Variants in MIOS observed in about 807,000 individuals in gnomAD.
The protein encoded by MIOS is meiosis regulator for oocyte development.
MIOS carries 52 observed loss-of-function variants against 96.9 expected under a neutral mutation model. That is an observed-to-expected ratio of 0.54 (90% CI 0.43 to 0.68). The LOEUF (loss-of-function observed/expected upper bound fraction) is 0.68. Ranked by LOEUF, MIOS falls within the 30% of genes least tolerant of loss-of-function variation. MIOS has a pLI of 0.00. For synonymous variants in MIOS, 397 were observed against 359.5 expected (o/e 1.10, Z -1.18); for missense variants, 1,005 against 1,052.8 (o/e 0.95, Z 0.63).
intron 7 of MIOS, among the ~76,000 whole-genome samples, chr7:7,587,133 C>T (rs1048892449): frequency 2.6e-5 from 4 of 151,978 alleles, no homozygotes; most frequent in Non-Finnish European, 5.9e-5. Context: ...GCCTCAGCCT[C>T]CCAAGTAGCT....
rs940937549 is a variant in MIOS at position 7,608,557 on chromosome 7, T to C, written c.*1465T>C. On this transcript the variant is annotated 3_prime_UTR_variant, in exon 13 of 13. Coordinates refer to ENST00000340080, the MANE Select transcript of MIOS (RefSeq NM_019005.4). ...TCTTTTCAAATGAAAGACATGGTAA[T>C]TGCAATTTTTTTTTAAAGATTGCTA... 2 of 152,100 alleles carry C rather than the reference T, an allele frequency of 1.3e-5. No homozygotes were observed. The highest frequency in any genetic ancestry group is 4.8e-5 in the African/African-American group (2 of 41,466). 9.4% of individuals were successfully genotyped at this position (152,100 alleles called of 1,614,324 possible). A position where few individuals can be genotyped will look rare whatever the true frequency, so the allele number is the denominator to read the frequency against.
At chr7:7,592,368 T>C (rs927108636) in intron 9 of MIOS, among the ~76,000 whole-genome samples, 1 of 152,238 alleles carries the variant, frequency 6.6e-6, no homozygotes, top group Non-Finnish European at 1.5e-5. Context: ...ATTTCAGTTA[T>C]TGTGCTTTTC....
intron 6 of MIOS, among the ~76,000 whole-genome samples, chr7:7,583,721 T>C (rs1783800920): frequency 1.3e-5 from 2 of 152,182 alleles, no homozygotes; most frequent in South Asian, 4.1e-4. Flanking sequence ...AGCCTACAAG[T>C]ATTTTTACGA....
intron 11 of MIOS, among the ~76,000 whole-genome samples, chr7:7,597,517 T>TAAAA (rs372634070): frequency 0.056 from 3,910 of 70,316 alleles, 1,198 homozygotes; most frequent in Non-Finnish European, 0.071. Flanking sequence ...TATATATATA[T>TAAAA]GAAGGCAATA....
chr7:7,573,586 G>T lies in MIOS; in HGVS notation c.1111G>T (p.Gly371Cys). The change falls in exon 4 of 13, where the codon GGT becomes TGT. Residue 371 changes from glycine to cysteine, a missense_variant. Physicochemically the swap from Gly to Cys is radical, Grantham distance 159. Around this residue, in one of 3 missense-constraint regions of MIOS, gnomAD observed 865 missense variants for 887.9 expected, o/e 0.97. Transcript: ENST00000340080. This position sits in a 1 kb window ranked among gnomAD's most constrained non-coding sequence, Gnocchi z 5.0. ...AATTACATCTTTAATGTGGGCTTGT[G>T]GTCGTCATTTATATGAATGTACGGA... The part of the protein sequence containing the change: ...SPITSLMWAC[G>C]RHLYECTEEE... 1.2e-6 allele frequency: 2 copies of T among 1,614,038 alleles called. No homozygotes were observed. Among genetic ancestry groups the T allele is most frequent in the Non-Finnish European group, 1.7e-6 (2 of 1,179,922 alleles).
chr7:7,606,942 A>AATAT, intron 12 of MIOS, 54 bp from the exon 13 acceptor site: 1 of 1,274,404 alleles, frequency 7.8e-7, no homozygotes. Flanking sequence ...TAAATAAATA[A>AATAT]ATGTATGTCT....
At chr7:7,589,741 C>A (rs1243039231) in intron 9 of MIOS, among the ~76,000 whole-genome samples, 178 bp downstream of exon 9, 1 of 152,170 alleles carries the variant, frequency 6.6e-6, no homozygotes, top group Non-Finnish European at 1.5e-5. Flanking sequence ...TAAGCCTCTT[C>A]ATTGAGTTAT....
At position 7,572,854 on chromosome 7, in the gene MIOS, A is replaced by G. The variant is rs1783400843; in HGVS notation, c.379A>G (p.Asn127Asp). 1.2e-6 allele frequency: 2 copies of G among 1,614,188 alleles called. No individual in the cohort carries two copies. Among genetic ancestry groups the G allele is most frequent in the Non-Finnish European group, 1.7e-6 (2 of 1,180,000 alleles). Residue 127 changes from asparagine to aspartate, a missense_variant, in exon 4 of 13, where the codon AAC becomes GAC. Around this residue, in one of 3 missense-constraint regions of MIOS, gnomAD observed 137 missense variants for 148.6 expected, o/e 0.92. Coordinates refer to ENST00000340080, the MANE Select transcript of MIOS (RefSeq NM_019005.4). This position sits in a 1 kb window ranked among gnomAD's most constrained non-coding sequence, Gnocchi z 4.8. Reference protein sequence around the residue: ...NTLAWNPLDSNWLAAGLDKHR... With the variant: ...NTLAWNPLDSDWLAAGLDKHR... ...CCTTGCCTGGAATCCACTGGATAGT[A>G]ACTGGCTAGCTGCTGGTTTAGATAA...
At chr7:7,580,087 C>G (rs746378377) in intron 5 of MIOS, among the ~76,000 whole-genome samples, 1 of 152,088 alleles carries the variant, frequency 6.6e-6, no homozygotes, top group Non-Finnish European at 1.5e-5. Flanking sequence ...GCTTTAAATC[C>G]AAAATTTATA....
At chr7:7,579,678 C>G (rs1421511967) in intron 5 of MIOS, among the ~76,000 whole-genome samples, 2 of 152,166 alleles carry the variant, frequency 1.3e-5, no homozygotes, top group African/African-American at 4.8e-5. Flanking sequence ...AAAATCCCCC[C>G]AAAATCTCAT....
chr7:7,569,327 A>C (rs952295912), intron 3 of MIOS, among the ~76,000 whole-genome samples: 1 of 152,186 alleles, frequency 6.6e-6, no homozygotes, highest in Non-Finnish European at 1.5e-5. Context: ...TTTAGACCAG[A>C]GACTTCATCG....
In MIOS at chr7:7,573,720, A is replaced by G; in HGVS notation, c.1245A>G (p.Leu415=). ...DTEQVWRNHI[L]AGNEDPQLKS... is the part of the protein sequence containing the mutation. ...AGCAGGTGTGGAGGAACCACATTTT[A>G]GCTGGAAATGAAGATCCACAGCTCA... is the stretch of plus-strand genomic sequence containing the variant. Residue 415 remains leucine, a synonymous_variant, in exon 4 of 13, where the codon TTA becomes TTG. Transcript: ENST00000340080. This position sits in a 1 kb window ranked among gnomAD's most constrained non-coding sequence, Gnocchi z 5.0. 1 of 1,612,022 alleles carries G rather than the reference A, an allele frequency of 6.2e-7. No homozygotes were observed. The highest frequency in any genetic ancestry group is 1.3e-5 in the African/African-American group (1 of 74,940).
chr7:7,604,678 T>G (rs1164222758), intron 11 of MIOS, among the ~76,000 whole-genome samples: 3 of 152,226 alleles, frequency 2.0e-5, no homozygotes, highest in Non-Finnish European at 4.4e-5. Context: ...CATAATTCAC[T>G]ATAAATCTTT....
In MIOS at chr7:7,596,244, ATTTGT is replaced by A. The variant is rs993411056; in HGVS notation, c.2197-7_2197-3del. ...TTGCATTACATTTATTTTTTCTTTC[ATTTGT>A]TTTGTAGGTTTTTGTGAGTTGCAAT... On this transcript the variant is annotated splice_polypyrimidine_tract_variant and splice_region_variant and intron_variant, in intron 10 of 12. Coordinates refer to ENST00000340080, the MANE Select transcript of MIOS (RefSeq NM_019005.4). The A allele has an allele frequency of 9.9e-6, 16 of 1,609,688 alleles. No homozygotes were observed. In the African/African-American group the frequency reaches 2.1e-4, roughly 22 times the overall value.
chr7:7,595,174 G>T, intron 10 of MIOS, 42 bp downstream of exon 10: 1 of 1,568,748 alleles, frequency 6.4e-7, no homozygotes, highest in South Asian at 1.2e-5. Context: ...GTAACATGTT[G>T]ATGTTCAATT....
intron 11 of MIOS, among the ~76,000 whole-genome samples, chr7:7,601,215 A>G (rs1184271032): frequency 6.6e-6 from 1 of 152,186 alleles, no homozygotes; most frequent in Non-Finnish European, 1.5e-5. Context: ...AATAACTAAG[A>G]TCAGAGCAGA....
At chr7:7,596,495 C>G (rs1406706658) in intron 11 of MIOS, 34 bp downstream of exon 11, 1 of 1,549,634 alleles carries the variant, frequency 6.5e-7, no homozygotes, top group Non-Finnish European at 8.9e-7. Flanking sequence ...CTTTTATGAA[C>G]TGAAATGATT....
chr7:7,606,095 A>T (rs780692994), intron 12 of MIOS, 24 bp downstream of exon 12: 1 of 1,612,648 alleles, frequency 6.2e-7, no homozygotes, highest in Middle Eastern at 1.7e-4. Flanking sequence ...TTCTTCTTTG[A>T]TAGGCTTGGA....
chr7:7,597,604 ACCACTCTTTTATGTTACT>A (rs1784254593), intron 11 of MIOS, among the ~76,000 whole-genome samples: 1 of 148,488 alleles, frequency 6.7e-6, no homozygotes, highest in Non-Finnish European at 1.5e-5. Context: ...TTGCATACTG[ACCACTCTTTTATGTTACT>A]CTGGTCCTAA....
Sources: allele counts gnomAD v4.1 joint callset (sites outside exome capture counted in the v4.1 genomes callset), GRCh38; gene constraint gnomAD v4.1.1; regional missense constraint gnomAD v4.1.1; non-coding constraint Gnocchi (gnomAD v3.1); transcripts MANE v1.5; gene names NCBI Gene and HGNC (gene_info 2026-07-23, HGNC 2026-07-21).